UBE2D2: variants seen among roughly 807,000 people sequenced by gnomAD.
UBE2D2 encodes the protein ubiquitin-conjugating enzyme E2 D2.
In UBE2D2, 2 loss-of-function variants were observed where a neutral mutation model predicts 24.2. The ratio of observed to expected loss-of-function variants is 0.08; its 90% CI spans 0.03 to 0.26. The LOEUF (loss-of-function observed/expected upper bound fraction) is 0.26, where lower values mean the gene tolerates loss of function less well. Among genes scored for constraint, UBE2D2 ranks in the 10% least tolerant of loss-of-function variants. The pLI is 1.00. For missense variants in UBE2D2, 44 were observed against 177.6 expected, an observed-to-expected ratio of 0.25 and a Z score of 4.28; for synonymous variants, 58 against 56.5, an observed-to-expected ratio of 1.03 and a Z score of -0.12.
At chr5:139,550,291 G>A (rs902060029) in intron 1 of UBE2D2, among the ~76,000 whole-genome samples, 1 of 152,102 alleles carries the variant, frequency 6.6e-6, no homozygotes, top group South Asian at 2.1e-4. Context: ...TAATCTAGTG[G>A]GGACTTGGAG....
intron 1 of UBE2D2, among the ~76,000 whole-genome samples, chr5:139,590,726 A>G (rs1443074716): frequency 7.1e-6 from 1 of 141,470 alleles, no homozygotes; most frequent in Non-Finnish European, 1.5e-5. Flanking sequence ...TAGTATGGCG[A>G]TGTTAAGACT....
At chr5:139,623,724 C>T (rs917371532) in intron 6 of UBE2D2, 11 of 271,224 alleles carry the variant, frequency 4.1e-5, no homozygotes, top group African/African-American at 2.2e-4. Context: ...CAGGGTCTTA[C>T]TCTGTCACCC....
In UBE2D2 at chr5:139,547,700, T is replaced by A. The variant is rs571225328; in HGVS notation, c.-64+21088T>A. Among the ~76,000 whole-genome samples the A allele has an allele frequency of 4.0e-3, 604 of 151,558 alleles. 3 individuals carry two copies. Among genetic ancestry groups the A allele is most frequent in the African/African-American group, 0.014 (561 of 41,430 alleles). Reference sequence around the variant, plus strand: ...CCGGCTAATTTTATTTTATTTATTTTTTTATTTTTTTTGAGACGGAGTCTC... The same window carrying A: ...CCGGCTAATTTTATTTTATTTATTTATTTATTTTTTTTGAGACGGAGTCTC... On this transcript the variant is annotated intron_variant, in intron 1 of 6. Coordinates refer to the UBE2D2 transcript ENST00000511725.
At chr5:139,626,732 C>T in intron 6 of UBE2D2, 24 bp from the exon 7 acceptor site, 1 of 1,611,544 alleles carries the variant, frequency 6.2e-7, no homozygotes, top group Non-Finnish European at 8.5e-7. Context: ...CTATGTTAAG[C>T]CAAGCTTCTC....
intron 1 of UBE2D2, among the ~76,000 whole-genome samples, chr5:139,569,716 T>C (rs761137405): frequency 7.9e-5 from 12 of 152,156 alleles, no homozygotes; most frequent in Non-Finnish European, 1.8e-4. Flanking sequence ...AGGGCTGCTG[T>C]CTGGAAAGGC....
intron 1 of UBE2D2, among the ~76,000 whole-genome samples, chr5:139,593,221 C>A (rs1275793390): frequency 6.6e-6 from 1 of 151,930 alleles, no homozygotes; most frequent in Non-Finnish European, 1.5e-5. Context: ...GTCTCTATCT[C>A]TTGACCTTGT....
intron 1 of UBE2D2, among the ~76,000 whole-genome samples, chr5:139,548,236 C>G (rs1424723720): frequency 1.4e-5 from 2 of 144,638 alleles, no homozygotes; most frequent in Admixed American, 1.4e-4. Flanking sequence ...CAAATAATAC[C>G]TCCAAAAATG....
intron 1 of UBE2D2, among the ~76,000 whole-genome samples, chr5:139,576,863 G>GAGCCACA (rs1489014207): frequency 1.3e-5 from 2 of 151,050 alleles, no homozygotes; most frequent in African/African-American, 4.9e-5. Flanking sequence ...ATGTTCAAGG[G>GAGCCACA]AGCCACAAAA....
intron 1 of UBE2D2, among the ~76,000 whole-genome samples, chr5:139,534,966 T>A (rs1489602321): frequency 6.7e-6 from 1 of 149,688 alleles, no homozygotes; most frequent in African/African-American, 2.5e-5. Context: ...TGGCAAAACC[T>A]TGTCTCTGCT....
chr5:139,595,409 G>A (rs531547742), intron 1 of UBE2D2, among the ~76,000 whole-genome samples: 10 of 151,306 alleles, frequency 6.6e-5, no homozygotes, highest in South Asian at 2.1e-4. Context: ...TCGGAGTCTC[G>A]CTCTTGTTAC....
At chr5:139,545,822 C>T (rs1351254125) in intron 1 of UBE2D2, among the ~76,000 whole-genome samples, 1 of 150,346 alleles carries the variant, frequency 6.7e-6, no homozygotes, top group Non-Finnish European at 1.5e-5. Flanking sequence ...CTCCCAGGTT[C>T]AAGTGACTAT....
intron 1 of UBE2D2, among the ~76,000 whole-genome samples, chr5:139,553,240 A>G (rs1752943924): frequency 1.3e-5 from 2 of 152,232 alleles, no homozygotes. Flanking sequence ...TGATGCAGCT[A>G]GGAAATCAAT....
At chr5:139,622,217 T>G (rs1754524706) in intron 5 of UBE2D2, among the ~76,000 whole-genome samples, 2 of 152,060 alleles carry the variant, frequency 1.3e-5, no homozygotes, top group African/African-American at 4.8e-5. Flanking sequence ...TTCTGCTATT[T>G]GTTTTATTTT....
chr5:139,558,916 C>T (rs1171976448), upstream of UBE2D2, among the ~76,000 whole-genome samples: 3 of 152,056 alleles, frequency 2.0e-5, no homozygotes, highest in Non-Finnish European at 4.4e-5. Context: ...TCCTCCCCAC[C>T]TCAGCCTCCC....
At chr5:139,565,194 A>G (rs1753191671) in intron 1 of UBE2D2, among the ~76,000 whole-genome samples, 1 of 152,230 alleles carries the variant, frequency 6.6e-6, no homozygotes, top group Non-Finnish European at 1.5e-5. Context: ...GACATGTGAC[A>G]TCTTCAGGAA....
intron 5 of UBE2D2, among the ~76,000 whole-genome samples, chr5:139,622,942 G>A (rs1754543544): frequency 6.6e-6 from 1 of 151,902 alleles, no homozygotes; most frequent in African/African-American, 2.4e-5. Flanking sequence ...GGTGGCTCAC[G>A]CTTGTAATCC....
chr5:139,551,147 C>G (rs1328947553), intron 1 of UBE2D2, among the ~76,000 whole-genome samples: 1 of 151,998 alleles, frequency 6.6e-6, no homozygotes, highest in Non-Finnish European at 1.5e-5. Context: ...GAGTTCGAGA[C>G]CAGCCTGGCC....
chr5:139,543,216 C>A (rs536878643), intron 1 of UBE2D2, among the ~76,000 whole-genome samples: 67 of 152,206 alleles, frequency 4.4e-4, no homozygotes, highest in Non-Finnish European at 7.9e-4. Flanking sequence ...TTAAATTAAA[C>A]AAAAATATTA....
intron 1 of UBE2D2, among the ~76,000 whole-genome samples, chr5:139,547,911 T>G (rs1489320483): frequency 2.0e-5 from 3 of 151,738 alleles, no homozygotes; most frequent in Admixed American, 6.6e-5. Context: ...GCCAGGCTGG[T>G]CTCGAACTCC....
Sources: allele counts gnomAD v4.1 joint callset (sites outside exome capture counted in the v4.1 genomes callset), GRCh38; gene constraint gnomAD v4.1.1; transcripts MANE v1.5; gene names NCBI Gene and HGNC (gene_info 2026-07-23, HGNC 2026-07-21).